The following DNM1L variants were observed in gnomAD, a reference collection of about 807,000 sequenced individuals.
DNM1L encodes dynamin 1L.
A neutral mutation model predicts 92.8 loss-of-function variants in DNM1L; 33 were observed. That is an observed-to-expected ratio of 0.36 (90% CI 0.27 to 0.48). The LOEUF (loss-of-function observed/expected upper bound fraction) is 0.48, where lower values mean the gene tolerates loss of function less well. DNM1L is among the 20% of genes least tolerant of loss of function. The probability of loss-of-function intolerance (pLI) is 0.99; values close to 1 mark genes in which losing one functional copy is unlikely to be tolerated. For missense variants in DNM1L, 485 were observed against 888.8 expected (o/e 0.55, Z 5.78); for synonymous variants, 284 against 305.0 (o/e 0.93, Z 0.72).
Position 32,701,548 on chromosome 12 carries a change from C to T in DNM1L, c.236C>T (p.Thr79Ile), listed in dbSNP as rs762561184. Residue 79 changes from threonine to isoleucine, a missense_variant, in exon 2 of 20, where the codon ACA (threonine) becomes ATA (isoleucine). This residue lies in a region of DNM1L where 159 missense variants were observed against 275.9 expected (regional missense o/e 0.58). Transcript: ENST00000549701. ...HVSQEDKRKT[T>I]GEENGVEAEE... ...TCACAAGAAGATAAACGGAAAACAA[C>T]AGGAGAAGAAAATGGTAAATTTCAG... 1 of 1,613,538 alleles carries T rather than the reference C, an allele frequency of 6.2e-7. No individual in the cohort carries two copies. Among genetic ancestry groups the T allele is most frequent in the East Asian group, 2.2e-5 (1 of 44,838 alleles).
rs75225070 is a variant in DNM1L, at chr12:32,702,510, G to A, written c.250+948G>A. Among the ~76,000 whole-genome samples the A allele has an allele frequency of 4.5e-3, 687 of 152,108 alleles. 2 individuals are homozygous for A. Among genetic ancestry groups the A allele is most frequent in the Non-Finnish European group, 7.5e-3 (511 of 67,990 alleles). ...TAGCTCTAATTATTAAATTACTTTTGCAGCAGAGTACCATATCTGTTTCTT... is the reference window on the plus strand; with the variant it reads ...TAGCTCTAATTATTAAATTACTTTTACAGCAGAGTACCATATCTGTTTCTT... On this transcript the variant is annotated intron_variant, in intron 2 of 19. Coordinates refer to ENST00000549701, the MANE Select transcript of DNM1L (RefSeq NM_012062.5).
intron 1 of DNM1L, chr12:32,692,607 A>G (rs1464856577): frequency 1.3e-5 from 2 of 149,608 alleles, no homozygotes; most frequent in African/African-American, 5.0e-5. Context: ...CTAACTAGTC[A>G]TCATAAGAAC....
intron 1 of DNM1L, among the ~76,000 whole-genome samples, chr12:32,681,626 G>T (rs1951811626): frequency 7.4e-6 from 1 of 135,060 alleles, no homozygotes; most frequent in South Asian, 2.3e-4. Context: ...TTTGTAGTGT[G>T]TTGGGGAAAC....
At chr12:32,698,112 T>G (rs1249271417) in intron 1 of DNM1L, among the ~76,000 whole-genome samples, 2 of 152,212 alleles carry the variant, frequency 1.3e-5, no homozygotes, top group Non-Finnish European at 2.9e-5. Context: ...CCTGTTTTAC[T>G]TAATGAGAGG....
chr12:32,726,941 A>G, intron 9 of DNM1L: 1 of 716,992 alleles, frequency 1.4e-6, no homozygotes, highest in Admixed American at 2.2e-5. Context: ...TAGGCAGGCC[A>G]GCATCTGAGA....
intron 1 of DNM1L, among the ~76,000 whole-genome samples, chr12:32,698,310 G>A (rs1952554729): frequency 6.6e-6 from 1 of 152,124 alleles, no homozygotes; most frequent in African/African-American, 2.4e-5. Context: ...GGGAATTGGA[G>A]GAAAGAGGAG....
chr12:32,684,650 G>A (rs1951932233), intron 1 of DNM1L, among the ~76,000 whole-genome samples: 1 of 152,116 alleles, frequency 6.6e-6, no homozygotes, highest in Non-Finnish European at 1.5e-5. Flanking sequence ...TGTATTTTTA[G>A]TAGAGACGAG....
chr12:32,733,389 A>C (rs1450303352), intron 12 of DNM1L: 2 of 254,294 alleles, frequency 7.9e-6, no homozygotes, highest in Non-Finnish European at 1.5e-5. Flanking sequence ...TTTTAATAGC[A>C]AAGTTGCATA....
intron 19 of DNM1L, 102 bp downstream of exon 19, chr12:32,742,850 C>A: frequency 5.2e-6 from 5 of 964,006 alleles, no homozygotes; most frequent in Non-Finnish European, 6.3e-6. Context: ...TCTTTATATT[C>A]TAGCTAGGCT....
rs188904390 is a variant in DNM1L, at chr12:32,742,087, A to G, written c.1995-502A>G. ...GAAATAAAGATGATGAAAAGAAGGT[A>G]AAGTATCAAGAATTGTTGCTTTTGT... On this transcript the variant is annotated intron_variant, in intron 18 of 19. Transcript: ENST00000549701. Among the ~76,000 whole-genome samples the G allele has an allele frequency of 2.2e-3, 332 of 152,242 alleles. 1 individual carries two copies. Among genetic ancestry groups the G allele is most frequent in the Middle Eastern group, 0.02 (6 of 294 alleles).
At position 32,745,550 on chromosome 12, in the gene DNM1L, A is replaced by G. The variant is rs541786635; in HGVS notation, c.*2140A>G. 1 of 152,434 alleles carries G rather than the reference A, an allele frequency of 6.6e-6. No individual in the cohort carries two copies. Among genetic ancestry groups the G allele is most frequent in the Non-Finnish European group, 1.5e-5 (1 of 68,230 alleles). 9.4% of individuals were successfully genotyped at this position (152,434 alleles called of 1,614,324 possible). A position where few individuals can be genotyped will look rare whatever the true frequency, so the allele number is the denominator to read the frequency against. ...AAAATTGCTGGTATGAAATGACACT[A>G]AAGTTTGTCAAAAAATGAATTCTTA... is the stretch of plus-strand genomic sequence containing the variant. On this transcript the variant is annotated 3_prime_UTR_variant, in exon 20 of 20. Coordinates refer to ENST00000549701, the MANE Select transcript of DNM1L (RefSeq NM_012062.5).
intron 4 of DNM1L, among the ~76,000 whole-genome samples, chr12:32,708,639 A>C (rs2137344940): frequency 6.6e-6 from 1 of 152,126 alleles, no homozygotes; most frequent in South Asian, 2.1e-4. Flanking sequence ...TTACCTGTGT[A>C]TGGCTAGATT....
At chr12:32,707,687 T>C (rs1022224231) in intron 3 of DNM1L, among the ~76,000 whole-genome samples, 1 of 152,108 alleles carries the variant, frequency 6.6e-6, no homozygotes, top group East Asian at 1.9e-4. Context: ...TAGTGGCTAA[T>C]GCAAGTAATC....
rs1437557965 is a variant in DNM1L at position 32,737,172 on chromosome 12, G to GT, written c.1596+16dup. The GT allele has an allele frequency of 2.5e-6, 4 of 1,613,328 alleles. No homozygotes were observed. Among genetic ancestry groups the GT allele is most frequent in the Non-Finnish European group, 2.5e-6 (3 of 1,179,636 alleles). ...GTATCACGAGACAAGGTAAAAAAAT[G>GT]TTTTTAATGCATATTCCCAATACCT... is the stretch of plus-strand genomic sequence containing the variant. On this transcript the variant is annotated intron_variant, in intron 14 of 19. Transcript: ENST00000549701.
At chr12:32,719,295 C>G (rs189939930) in intron 7 of DNM1L, among the ~76,000 whole-genome samples, 1 of 152,218 alleles carries the variant, frequency 6.6e-6, no homozygotes, top group African/African-American at 2.4e-5. Flanking sequence ...AGCAATACCA[C>G]AAAATGGAAG....
intron 13 of DNM1L, chr12:32,736,813 G>A: frequency 7.7e-6 from 3 of 388,960 alleles, no homozygotes; most frequent in Non-Finnish European, 1.4e-5. Flanking sequence ...GGGAAAGGGG[G>A]AGAAGATGGC....
chr12:32,720,890 TC>T, intron 8 of DNM1L, 95 bp downstream of exon 8: 1 of 1,489,072 alleles, frequency 6.7e-7, no homozygotes, highest in Non-Finnish European at 9.3e-7. Context: ...TTCATACTGT[TC>T]CTAACAGCTT....
chr12:32,703,485 T>C (rs930073564), intron 2 of DNM1L, among the ~76,000 whole-genome samples: 1 of 151,958 alleles, frequency 6.6e-6, no homozygotes, highest in Non-Finnish European at 1.5e-5. Flanking sequence ...TTCTAGCATA[T>C]CATAAATCAT....
At position 32,731,890 on chromosome 12, in the gene DNM1L, G is replaced by A. The variant is rs984565210; in HGVS notation, c.1393G>A (p.Val465Ile). The A allele has an allele frequency of 4.3e-5, 70 of 1,613,852 alleles. No individual in the cohort carries two copies. The highest frequency in any genetic ancestry group is 5.7e-5 in the Non-Finnish European group (67 of 1,179,896). ...LRFPKLHDAIVEVVTCLLRKR... is the reference protein window; with the variant it reads ...LRFPKLHDAIIEVVTCLLRKR... ...ATTTCCTAAACTTCATGATGCCATA[G>A]TTGAAGTGGTGACTTGTCTTCTTCG... is the stretch of plus-strand genomic sequence containing the variant. Residue 465 changes from valine to isoleucine, a missense_variant, in exon 12 of 20, where the codon GTT becomes ATT. Physicochemically the swap from Val to Ile is conservative, Grantham distance 29. Transcript: ENST00000549701. This position sits in a 1 kb window ranked among gnomAD's most constrained non-coding sequence, Gnocchi z 5.1.
Sources: allele counts gnomAD v4.1 joint callset (sites outside exome capture counted in the v4.1 genomes callset), GRCh38; gene constraint gnomAD v4.1.1; regional missense constraint gnomAD v4.1.1; non-coding constraint Gnocchi (gnomAD v3.1); transcripts MANE v1.5; gene names NCBI Gene and HGNC (gene_info 2026-07-23, HGNC 2026-07-21).